AUH: variants seen among roughly 807,000 people sequenced by gnomAD.
The protein encoded by AUH is AU RNA binding methylglutaconyl-CoA hydratase, also known as methylglutaconyl-CoA hydratase, mitochondrial.
In AUH, 29 loss-of-function variants were observed where a neutral mutation model predicts 42.3. The ratio of observed to expected loss-of-function variants is 0.69; its 90% CI spans 0.51 to 0.93. AUH has a LOEUF of 0.93. Ranked by LOEUF, AUH falls within the 40% of genes least tolerant of loss-of-function variation. AUH has a pLI of 0.00. For synonymous variants in AUH, 174 were observed against 166.4 expected (o/e 1.05, Z -0.35); for missense variants, 452 against 438.1 (o/e 1.03, Z -0.28).
Position 91,313,432 on chromosome 9 carries a change from G to A in AUH, c.505+11886C>T, listed in dbSNP as rs931840195. ...AGAAAATGAACAAACTTGGCCGGGC[G>A]CGGTGGCTCACGCCTGTAATCCCAG... On this transcript the variant is annotated intron_variant, in intron 4 of 9. Transcript: ENST00000375731. Among the ~76,000 whole-genome samples the A allele has an allele frequency of 2.3e-4, 35 of 152,144 alleles. No individual in the cohort carries two copies. In the East Asian group the frequency reaches 3.9e-3, roughly 17 times the overall value.
At chr9:91,242,073 G>C (rs1204904821) in intron 6 of AUH, among the ~76,000 whole-genome samples, 1 of 152,200 alleles carries the variant, frequency 6.6e-6, no homozygotes, top group East Asian at 1.9e-4. Context: ...CCCCACGGCT[G>C]GCAGGCCTTC....
At chr9:91,217,620 C>T (rs770380014) in intron 7 of AUH, among the ~76,000 whole-genome samples, 48 of 152,156 alleles carry the variant, frequency 3.2e-4, no homozygotes, top group Non-Finnish European at 2.1e-4. Flanking sequence ...TCTTCAGCAA[C>T]ACTTCCTAGA....
chr9:91,290,759 T>TA (rs1382234931), intron 6 of AUH, among the ~76,000 whole-genome samples: 2 of 152,178 alleles, frequency 1.3e-5, no homozygotes, highest in Non-Finnish European at 2.9e-5. Flanking sequence ...CACTGCTCTC[T>TA]ATCTTCTGGT....
At chr9:91,283,079 A>C (rs562102472) in intron 6 of AUH, among the ~76,000 whole-genome samples, 16 of 151,864 alleles carry the variant, frequency 1.1e-4, no homozygotes, top group African/African-American at 2.9e-4. Flanking sequence ...TACTGGCAAA[A>C]CGAATCCAGC....
chr9:91,301,587 A>C (rs1827786794), intron 4 of AUH, among the ~76,000 whole-genome samples: 4 of 152,112 alleles, frequency 2.6e-5, no homozygotes, highest in Admixed American at 2.0e-4. Context: ...AGAGGATGAA[A>C]ATTGTGTGCC....
intron 6 of AUH, among the ~76,000 whole-genome samples, chr9:91,291,484 T>G (rs888553023): frequency 2.0e-5 from 3 of 152,258 alleles, no homozygotes; most frequent in Admixed American, 1.3e-4. Flanking sequence ...ATTAGTTATC[T>G]GGGAATTCTT....
At chr9:91,296,597 G>A (rs1308607141) in intron 5 of AUH, among the ~76,000 whole-genome samples, 1 of 152,110 alleles carries the variant, frequency 6.6e-6, no homozygotes, top group African/African-American at 2.4e-5. Context: ...TGTTTTCATG[G>A]CTACTTTAAA....
At chr9:91,231,853 C>G (rs537810476) in intron 6 of AUH, among the ~76,000 whole-genome samples, 3 of 152,244 alleles carry the variant, frequency 2.0e-5, no homozygotes, top group African/African-American at 7.2e-5. Context: ...CAGGACACTC[C>G]TGCAGATACT....
At chr9:91,324,635 T>G (rs1303538256) in intron 4 of AUH, among the ~76,000 whole-genome samples, 1 of 150,494 alleles carries the variant, frequency 6.6e-6, no homozygotes, top group Non-Finnish European at 1.5e-5. Context: ...ATGTTGAGTT[T>G]TTTTTTTTTT....
intron 6 of AUH, among the ~76,000 whole-genome samples, chr9:91,262,027 C>T (rs1829732748): frequency 6.6e-6 from 1 of 151,940 alleles, no homozygotes; most frequent in African/African-American, 2.4e-5. Flanking sequence ...AACACATAAA[C>T]CAATGGGAAA....
intron 6 of AUH, among the ~76,000 whole-genome samples, chr9:91,255,619 CAG>C (rs1829368319): frequency 6.6e-6 from 1 of 151,708 alleles, no homozygotes; most frequent in African/African-American, 2.4e-5. Flanking sequence ...GAAACTGTTA[CAG>C]AAGGATATTT....
intron 7 of AUH, chr9:91,218,602 A>G: frequency 1.0e-6 from 1 of 984,614 alleles, no homozygotes; most frequent in African/African-American, 1.7e-5. Flanking sequence ...TTTGGGAAGT[A>G]AAGTTTAGAA....
At chr9:91,226,414 T>C (rs1420144938) in intron 6 of AUH, among the ~76,000 whole-genome samples, 8 of 149,918 alleles carry the variant, frequency 5.3e-5, no homozygotes, top group African/African-American at 1.9e-4. Context: ...TTTTTTCTTG[T>C]AAATTTGTTT....
chr9:91,335,441 T>C (rs1830624181), intron 3 of AUH, among the ~76,000 whole-genome samples: 1 of 152,334 alleles, frequency 6.6e-6, no homozygotes, highest in African/African-American at 2.4e-5. Context: ...ATTTTTTCCC[T>C]CACTCACAAT....
At chr9:91,308,143 A>G (rs1828375543) in intron 4 of AUH, among the ~76,000 whole-genome samples, 1 of 152,230 alleles carries the variant, frequency 6.6e-6, no homozygotes, top group Non-Finnish European at 1.5e-5. Flanking sequence ...GACAAAGAAA[A>G]GCATAACGAC....
Position 91,347,991 on chromosome 9 carries a change from T to C in AUH, c.418+7892A>G, listed in dbSNP as rs549131365. 7.5e-4 allele frequency among the ~76,000 whole-genome samples: 110 copies of C among 146,938 alleles called. 1 individual carries two copies. The highest frequency in any genetic ancestry group is 1.3e-3 in the Non-Finnish European group (90 of 67,372). Reference sequence around the variant, plus strand: ...AAAACTTTTGTTCTTCAAAACAAATTATAAGGCAGAAAAATGACAGGCCAT... The same window carrying C: ...AAAACTTTTGTTCTTCAAAACAAATCATAAGGCAGAAAAATGACAGGCCAT... On this transcript the variant is annotated intron_variant, in intron 3 of 9. Coordinates refer to ENST00000375731, the MANE Select transcript of AUH (RefSeq NM_001698.3).
At chr9:91,277,933 T>C (rs1426012886) in intron 6 of AUH, among the ~76,000 whole-genome samples, 3 of 152,212 alleles carry the variant, frequency 2.0e-5, no homozygotes, top group Non-Finnish European at 2.9e-5. Flanking sequence ...TTAACTGAGA[T>C]TAAAACAGTT....
At chr9:91,262,766 T>C (rs1311053260) in intron 6 of AUH, among the ~76,000 whole-genome samples, 1 of 152,148 alleles carries the variant, frequency 6.6e-6, no homozygotes, top group African/African-American at 2.4e-5. Context: ...ACTCCGTAAC[T>C]ACTCCATCAA....
rs536072575 is a variant in AUH at position 91,228,803 on chromosome 9, C to T, written c.656-7811G>A. ...AACATCTTTATATCTGCCTTCATTT[C>T]GTTATGTACCCAGTAGTCATTTAGG... is the stretch of plus-strand genomic sequence containing the variant. On this transcript the variant is annotated intron_variant, in intron 6 of 9. Transcript: ENST00000375731. Among the ~76,000 whole-genome samples the T allele has an allele frequency of 2.7e-3, 415 of 152,248 alleles. 3 individuals are homozygous for T. The highest frequency in any genetic ancestry group is 9.1e-3 in the African/African-American group (378 of 41,538).
Sources: allele counts gnomAD v4.1 joint callset (sites outside exome capture counted in the v4.1 genomes callset), GRCh38; gene constraint gnomAD v4.1.1; transcripts MANE v1.5; gene names NCBI Gene and HGNC (gene_info 2026-07-23, HGNC 2026-07-21).